GRXCR2: variants seen among roughly 807,000 people sequenced by gnomAD.
The protein encoded by GRXCR2 is glutaredoxin domain-containing cysteine-rich protein 2.
Under a neutral mutation model 24.8 loss-of-function variants are expected in GRXCR2, and 23 were observed. The observed-to-expected ratio is 0.93, with a 90% CI of 0.67 to 1.32. The LOEUF (loss-of-function observed/expected upper bound fraction) is 1.32, where lower values mean the gene tolerates loss of function less well. Ranked by LOEUF, GRXCR2 falls within the 40% of genes most tolerant of loss-of-function variation. The pLI is 0.00. For missense variants in GRXCR2, 315 were observed against 303.4 expected, an observed-to-expected ratio of 1.04 and a Z score of -0.28; for synonymous variants, 130 against 116.1, an observed-to-expected ratio of 1.12 and a Z score of -0.77.
intron 2 of GRXCR2, among the ~76,000 whole-genome samples, chr5:145,900,361 C>G (rs937361504): frequency 3.9e-5 from 6 of 152,154 alleles, no homozygotes; most frequent in Non-Finnish European, 5.9e-5. Flanking sequence ...TTCCTGAGGT[C>G]TCCCCAGTCA....
At chr5:145,873,030 G>A, upstream of GRXCR2, 2 of 1,350,544 alleles carry the variant, frequency 1.5e-6, no homozygotes, top group South Asian at 2.6e-5. Flanking sequence ...TTGGGCCTCT[G>A]AGAAAAAGGC....
chr5:145,896,631 A>G (rs1756954284), intron 2 of GRXCR2, among the ~76,000 whole-genome samples: 3 of 152,260 alleles, frequency 2.0e-5, no homozygotes, highest in South Asian at 2.1e-4. Context: ...AAGTCAGGAA[A>G]CAACAGGTGC....
In GRXCR2 at chr5:145,913,503, A is replaced by G. The variant is rs538479700; in HGVS notation, c.-70+22198T>C. 1.3e-5 allele frequency among the ~76,000 whole-genome samples: 2 copies of G among 152,330 alleles called. 1 individual carries two copies. The highest frequency in any genetic ancestry group is 2.9e-5 in the Non-Finnish European group (2 of 68,028). ...TAAAATAAAGGTATTTTAATACCCC[A>G]AATTAGAAAGAACAGCCCCAAAATA... is the stretch of plus-strand genomic sequence containing the variant. On this transcript the variant is annotated intron_variant, in intron 2 of 3. Coordinates refer to the GRXCR2 transcript ENST00000639411.
intron 2 of GRXCR2, among the ~76,000 whole-genome samples, chr5:145,892,480 A>G (rs956899110): frequency 2.6e-5 from 4 of 152,260 alleles, no homozygotes; most frequent in Non-Finnish European, 5.9e-5. Flanking sequence ...GAACTACATG[A>G]CGAATGCACA....
chr5:145,914,011 T>C (rs145743484), intron 2 of GRXCR2, among the ~76,000 whole-genome samples: 9 of 152,216 alleles, frequency 5.9e-5, no homozygotes, highest in Non-Finnish European at 1.3e-4. Context: ...GCAGAGGAGA[T>C]TTGTTACAAA....
chr5:145,865,910 G>A (rs768412877), intron 2 of GRXCR2, among the ~76,000 whole-genome samples: 3 of 152,090 alleles, frequency 2.0e-5, no homozygotes, highest in Non-Finnish European at 2.9e-5. Flanking sequence ...GGCCGAGGCA[G>A]ATGGAACACT....
intron 2 of GRXCR2, among the ~76,000 whole-genome samples, chr5:145,866,239 A>C (rs947833438): frequency 2.0e-5 from 3 of 152,222 alleles, no homozygotes; most frequent in Middle Eastern, 3.2e-3. Context: ...CAGTGAAAAC[A>C]ATAAATATTT....
rs113004958 is a variant in GRXCR2, at chr5:145,870,476, A to T, written c.336+2157T>A. On this transcript the variant is annotated intron_variant, in intron 1 of 2. Coordinates refer to ENST00000377976, the MANE Select transcript of GRXCR2 (RefSeq NM_001080516.2). ...CATACCGCATCTTGTTTATCCATTC[A>T]TCAGTCTATGGACATTTGGGTTCTT... Among the ~76,000 whole-genome samples, 1,093 of 152,280 alleles carry T rather than the reference A, an allele frequency of 7.2e-3. 10 individuals carry two copies. The highest frequency in any genetic ancestry group is 0.025 in the African/African-American group (1,027 of 41,556).
rs1349834796 is a variant in GRXCR2 at position 145,859,336 on chromosome 5, T to C, written c.*397A>G. 1.6e-5 allele frequency: 3 copies of C among 182,162 alleles called. No homozygotes were observed. Among genetic ancestry groups the C allele is most frequent in the Non-Finnish European group, 1.2e-5 (1 of 86,202 alleles). The allele number at this position is 182,162 out of a possible 1,614,324, so 11.3% of individuals were successfully genotyped here. The stretch of plus-strand genomic sequence containing the variant: ...TGCATTATAAGCAACAAGAAATCAG[T>C]TCATCAGAAACCTGCCTTTTTTACT... On this transcript the variant is annotated 3_prime_UTR_variant, in exon 3 of 3. Coordinates refer to ENST00000377976, the MANE Select transcript of GRXCR2 (RefSeq NM_001080516.2).
chr5:145,863,733 A>G (rs1214442369), intron 2 of GRXCR2, among the ~76,000 whole-genome samples: 1 of 152,146 alleles, frequency 6.6e-6, no homozygotes, highest in Non-Finnish European at 1.5e-5. Context: ...CCTGGGCTCA[A>G]GGGATCTTCC....
chr5:145,866,753 G>T (rs1756445241), intron 1 of GRXCR2, 25 bp from the exon 2 acceptor site: 1 of 1,478,428 alleles, frequency 6.8e-7, no homozygotes, highest in South Asian at 1.1e-5. Flanking sequence ...AATGAGCATG[G>T]AAACTTTACC....
chr5:145,885,039 T>C (rs867729006), intron 2 of GRXCR2, among the ~76,000 whole-genome samples: 33 of 152,244 alleles, frequency 2.2e-4, no homozygotes, highest in Middle Eastern at 6.8e-3. Context: ...GTAGGGCTTA[T>C]AAATTAAACA....
At chr5:145,862,944 G>A (rs1435392683) in intron 2 of GRXCR2, among the ~76,000 whole-genome samples, 1 of 152,148 alleles carries the variant, frequency 6.6e-6, no homozygotes, top group Admixed American at 6.5e-5. Context: ...ATAAATGGCA[G>A]CTATTATGAT....
At chr5:145,867,003 A>G (rs1372281780) in intron 1 of GRXCR2, among the ~76,000 whole-genome samples, 2 of 152,186 alleles carry the variant, frequency 1.3e-5, no homozygotes, top group Non-Finnish European at 2.9e-5. Context: ...TAGAGCTTCT[A>G]TTTGTACTGC....
At chr5:145,902,599 T>A (rs376807089) in intron 2 of GRXCR2, among the ~76,000 whole-genome samples, 1 of 152,196 alleles carries the variant, frequency 6.6e-6, no homozygotes, top group Non-Finnish European at 1.5e-5. Flanking sequence ...AGGGGGTAGA[T>A]GTGTGCTCAA....
chr5:145,888,304 A>G (rs1448155764), intron 2 of GRXCR2, among the ~76,000 whole-genome samples: 2 of 152,186 alleles, frequency 1.3e-5, no homozygotes, highest in Admixed American at 6.5e-5. Context: ...AGTCTAAAGC[A>G]TGGGGTCCTG....
At chr5:145,892,865 T>G (rs1756890431) in intron 2 of GRXCR2, among the ~76,000 whole-genome samples, 1 of 152,128 alleles carries the variant, frequency 6.6e-6, no homozygotes, top group Non-Finnish European at 1.5e-5. Context: ...GGAAAAAATG[T>G]TAAGGGCAGC....
chr5:145,930,994 G>A (rs879847983), intron 2 of GRXCR2, among the ~76,000 whole-genome samples: 10 of 152,046 alleles, frequency 6.6e-5, no homozygotes, highest in African/African-American at 1.2e-4. Context: ...GATTCAAACC[G>A]GGTCTGTTAG....
intron 2 of GRXCR2, among the ~76,000 whole-genome samples, chr5:145,901,269 T>G: frequency 6.6e-6 from 1 of 152,008 alleles, no homozygotes; most frequent in Non-Finnish European, 1.5e-5. Flanking sequence ...CCCAAGTATA[T>G]TATGCACATG....
Sources: allele counts gnomAD v4.1 joint callset (sites outside exome capture counted in the v4.1 genomes callset), GRCh38; gene constraint gnomAD v4.1.1; transcripts MANE v1.5; gene names NCBI Gene and HGNC (gene_info 2026-07-23, HGNC 2026-07-21).